TMEM132C: variants seen among roughly 807,000 people sequenced by gnomAD.
TMEM132C encodes protein phosphatase 1, regulatory subunit 152.
A neutral mutation model predicts 61.4 loss-of-function variants in TMEM132C; 29 were observed. The observed-to-expected ratio is 0.47, with a 90% confidence interval of 0.35 to 0.64. The LOEUF (loss-of-function observed/expected upper bound fraction) is 0.64. Ranked by LOEUF, TMEM132C falls within the 30% of genes least tolerant of loss-of-function variation. The pLI is 0.00. For synonymous variants in TMEM132C, 656 were observed against 633.1 expected, an observed-to-expected ratio of 1.04 and a Z score of -0.54; for missense variants, 1,408 against 1,476.9, an observed-to-expected ratio of 0.95 and a Z score of 0.76.
At chr12:128,613,269 C>T (rs1208261170) in intron 3 of TMEM132C, among the ~76,000 whole-genome samples, 2 of 152,166 alleles carry the variant, frequency 1.3e-5, no homozygotes, top group South Asian at 2.1e-4. Flanking sequence ...CAGGTCCAGA[C>T]GTGCTTGCTA....
chr12:128,607,584 C>G (rs1216271314), intron 3 of TMEM132C, among the ~76,000 whole-genome samples: 1 of 152,126 alleles, frequency 6.6e-6, no homozygotes, highest in Non-Finnish European at 1.5e-5. Flanking sequence ...GGGAAGTGCT[C>G]AGGTTCGGGA....
chr12:128,679,221 G>T (rs1187317410), intron 5 of TMEM132C, among the ~76,000 whole-genome samples: 1 of 152,258 alleles, frequency 6.6e-6, no homozygotes, highest in East Asian at 1.9e-4. Context: ...GTTCAAAGCA[G>T]AGAGTTCTCC....
At chr12:128,521,530 A>G (rs939133697) in intron 2 of TMEM132C, among the ~76,000 whole-genome samples, 2 of 148,636 alleles carry the variant, frequency 1.3e-5, no homozygotes, top group African/African-American at 5.0e-5. Context: ...TCTTTGTTAC[A>G]GTAGATTACT....
chr12:128,363,845 GAAAA>G (rs528314942), intron 1 of TMEM132C, among the ~76,000 whole-genome samples: 1 of 101,388 alleles, frequency 9.9e-6, no homozygotes, highest in Non-Finnish European at 1.9e-5. Context: ...ACTCTGTCTC[GAAAA>G]AAAAAAAAAA....
At chr12:128,471,724 C>G (rs1870960245) in intron 2 of TMEM132C, among the ~76,000 whole-genome samples, 1 of 152,090 alleles carries the variant, frequency 6.6e-6, no homozygotes, top group African/African-American at 2.4e-5. Context: ...GTGCTTCAGT[C>G]TTCTCATCTA....
In TMEM132C at chr12:128,706,542, T is replaced by A; in HGVS notation, c.*247T>A. The stretch of plus-strand genomic sequence containing the variant: ...GCATGGGGAGTGCAGACCAAGTTAC[T>A]GAACTGCACAGGCAAAATTAGGAAG... On this transcript the variant is annotated 3_prime_UTR_variant, in exon 9 of 9. Transcript: ENST00000435159. 2.4e-6 allele frequency: 1 copy of A among 418,520 alleles called. No homozygotes were observed. The allele number at this position is 418,520 out of a possible 1,614,324, so 25.9% of individuals were successfully genotyped here.
chr12:128,417,777 A>G (rs1163932077), intron 2 of TMEM132C, among the ~76,000 whole-genome samples: 3 of 152,222 alleles, frequency 2.0e-5, no homozygotes, highest in African/African-American at 4.8e-5. Context: ...CAAACCTTCA[A>G]TAAGCATTGA....
chr12:128,468,386 C>T (rs1378573632), intron 2 of TMEM132C, among the ~76,000 whole-genome samples: 5 of 151,976 alleles, frequency 3.3e-5, no homozygotes, highest in Non-Finnish European at 5.9e-5. Flanking sequence ...GGCACGATCT[C>T]GGCTCACCAC....
At chr12:128,516,973 A>C (rs1057359863) in intron 2 of TMEM132C, among the ~76,000 whole-genome samples, 1 of 151,498 alleles carries the variant, frequency 6.6e-6, no homozygotes, top group Non-Finnish European at 1.5e-5. Flanking sequence ...TGTAATACCA[A>C]CAATTTTGGA....
intron 3 of TMEM132C, among the ~76,000 whole-genome samples, chr12:128,546,389 GT>G (rs1252307011): frequency 6.6e-6 from 1 of 152,298 alleles, no homozygotes; most frequent in South Asian, 2.1e-4. Flanking sequence ...TATGTGAATA[GT>G]TCTTCACATG....
chr12:128,648,996 G>A (rs1331527389), intron 4 of TMEM132C, among the ~76,000 whole-genome samples: 1 of 147,796 alleles, frequency 6.8e-6, no homozygotes, highest in Non-Finnish European at 1.5e-5. Context: ...ATCAGCATTG[G>A]ATAAGTATGT....
intron 1 of TMEM132C, among the ~76,000 whole-genome samples, chr12:128,406,368 C>A (rs933054653): frequency 6.6e-6 from 1 of 152,196 alleles, no homozygotes; most frequent in African/African-American, 2.4e-5. Flanking sequence ...GAAGGGTACC[C>A]TGCTGGATAA....
intron 1 of TMEM132C, among the ~76,000 whole-genome samples, chr12:128,270,075 A>G (rs1215610652): frequency 6.6e-6 from 1 of 152,148 alleles, no homozygotes; most frequent in East Asian, 1.9e-4. Flanking sequence ...GGAGAGGCAA[A>G]ACATCCTTGA....
intron 8 of TMEM132C, among the ~76,000 whole-genome samples, chr12:128,701,679 CT>C (rs2135660891): frequency 6.6e-6 from 1 of 152,226 alleles, no homozygotes; most frequent in East Asian, 1.9e-4. Context: ...GTCTGTTCAC[CT>C]GCCCTTCACA....
intron 3 of TMEM132C, among the ~76,000 whole-genome samples, chr12:128,553,282 C>T (rs1874231851): frequency 6.6e-6 from 1 of 152,188 alleles, no homozygotes; most frequent in Non-Finnish European, 1.5e-5. Flanking sequence ...TGCAAGCAGA[C>T]CAAGCTGAGA....
intron 2 of TMEM132C, among the ~76,000 whole-genome samples, chr12:128,440,903 T>C (rs1004326041): frequency 6.6e-6 from 1 of 152,014 alleles, no homozygotes; most frequent in Admixed American, 6.6e-5. Context: ...ACAAAAATTA[T>C]CCAGGCGTCG....
intron 3 of TMEM132C, among the ~76,000 whole-genome samples, chr12:128,615,787 C>A (rs915726147): frequency 3.9e-5 from 6 of 152,210 alleles, no homozygotes; most frequent in African/African-American, 1.4e-4. Flanking sequence ...CAGCCTATAG[C>A]ATCTGCCACA....
At chr12:128,688,152 C>T (rs1164845784) in intron 5 of TMEM132C, among the ~76,000 whole-genome samples, 4 of 152,228 alleles carry the variant, frequency 2.6e-5, no homozygotes, top group Non-Finnish European at 4.4e-5. Context: ...TGGCCTCTCT[C>T]AGCACCTGCC....
intron 3 of TMEM132C, among the ~76,000 whole-genome samples, 194 bp from the exon 4 acceptor site, chr12:128,615,958 C>G (rs1876786602): frequency 6.6e-6 from 1 of 152,218 alleles, no homozygotes; most frequent in African/African-American, 2.4e-5. Context: ...ATATCCTTAA[C>G]TTGTGGGTGC....
Sources: allele counts gnomAD v4.1 joint callset (sites outside exome capture counted in the v4.1 genomes callset), GRCh38; gene constraint gnomAD v4.1.1; transcripts MANE v1.5; gene names NCBI Gene and HGNC (gene_info 2026-07-23, HGNC 2026-07-21).